Variants in PAK1 observed in about 807,000 individuals in gnomAD.
The protein encoded by PAK1 is p21 (RAC1) activated kinase 1.
In PAK1, 29 loss-of-function variants were observed where a neutral mutation model predicts 67.4. That is an observed-to-expected ratio of 0.43 (90% CI 0.32 to 0.59). The LOEUF (loss-of-function observed/expected upper bound fraction) is 0.59. Among genes scored for constraint, PAK1 ranks in the 20% least tolerant of loss-of-function variants. The pLI, the probability that PAK1 is intolerant of heterozygous loss-of-function variation, is 0.07. For missense variants in PAK1, 337 were observed against 670.7 expected (o/e 0.50, Z 5.50); for synonymous variants, 223 against 237.4 (o/e 0.94, Z 0.56).
At chr11:77,390,896 A>G (rs940437298) in intron 2 of PAK1, among the ~76,000 whole-genome samples, 4 of 152,210 alleles carry the variant, frequency 2.6e-5, no homozygotes, top group Non-Finnish European at 4.4e-5. Context: ...GTACTCATTA[A>G]AAGTCCTTAT....
intron 2 of PAK1, among the ~76,000 whole-genome samples, chr11:77,387,694 A>G (rs183992158): frequency 6.6e-6 from 1 of 152,390 alleles, no homozygotes; most frequent in East Asian, 1.9e-4. Flanking sequence ...ACAAAAGCCT[A>G]CTAATGATAT....
At chr11:77,414,456 A>G (rs983954902) in intron 1 of PAK1, among the ~76,000 whole-genome samples, 4 of 152,264 alleles carry the variant, frequency 2.6e-5, no homozygotes, top group African/African-American at 9.6e-5. Context: ...CCTAGGCAAT[A>G]TATTTTTATA....
intron 14 of PAK1, among the ~76,000 whole-genome samples, chr11:77,324,317 C>T (rs572251016): frequency 4.0e-5 from 6 of 151,874 alleles, no homozygotes; most frequent in South Asian, 4.2e-4. Context: ...GGACTACAGG[C>T]GCCCGCCACC....
the PAK1 span, among the ~76,000 whole-genome samples, chr11:77,488,129 A>T: frequency 1.4e-4 from 22 of 152,348 alleles, 1 homozygote; most frequent in South Asian, 4.6e-3. Flanking sequence ...AAGAGTCTCT[A>T]CTTGGTAATC....
At chr11:77,447,754 G>C (rs1312981550) in intron 1 of PAK1, among the ~76,000 whole-genome samples, 1 of 152,092 alleles carries the variant, frequency 6.6e-6, no homozygotes, top group Non-Finnish European at 1.5e-5. Context: ...TCAAACTCCT[G>C]ATCTCAGGTG....
chr11:77,520,032 T>C, the PAK1 span, among the ~76,000 whole-genome samples: 12 of 142,638 alleles, frequency 8.4e-5, no homozygotes, highest in African/African-American at 2.1e-4. Context: ...CTCCACCCCA[T>C]TCCCCCAGTG....
the PAK1 span, among the ~76,000 whole-genome samples, chr11:77,490,181 G>A: frequency 3.4e-5 from 5 of 145,896 alleles, no homozygotes; most frequent in South Asian, 2.2e-4. Flanking sequence ...CCTGGCAACC[G>A]CCCCATCTGA....
chr11:77,466,639 T>G (rs1335734774), intron 1 of PAK1, among the ~76,000 whole-genome samples: 1 of 152,058 alleles, frequency 6.6e-6, no homozygotes, highest in Non-Finnish European at 1.5e-5. Flanking sequence ...CAGCTTGATG[T>G]CTCTGCTCCT....
chr11:77,445,025 T>C (rs1956534036), intron 1 of PAK1, among the ~76,000 whole-genome samples: 1 of 152,192 alleles, frequency 6.6e-6, no homozygotes, highest in Non-Finnish European at 1.5e-5. Flanking sequence ...GGATTGACCT[T>C]ATTTGGAATT....
the PAK1 span, among the ~76,000 whole-genome samples, chr11:77,523,584 T>C: frequency 6.6e-6 from 1 of 152,018 alleles, no homozygotes; most frequent in Non-Finnish European, 1.5e-5. Flanking sequence ...CATGTCTGGC[T>C]AATTTTTGTA....
At chr11:77,376,799 T>C (rs1949151408) in intron 4 of PAK1, among the ~76,000 whole-genome samples, 1 of 151,664 alleles carries the variant, frequency 6.6e-6, no homozygotes, top group South Asian at 2.1e-4. Context: ...AAAATTAGCA[T>C]GGAAGATTGT....
intron 1 of PAK1, chr11:77,455,878 T>A (rs1306261477): frequency 6.6e-6 from 1 of 152,108 alleles, no homozygotes; most frequent in East Asian, 1.9e-4. Context: ...AAGAAAGACT[T>A]ACATAAAGGA....
intron 5 of PAK1, among the ~76,000 whole-genome samples, chr11:77,368,047 A>G (rs1166860991): frequency 2.0e-5 from 3 of 152,268 alleles, no homozygotes; most frequent in Non-Finnish European, 4.4e-5. Context: ...TAACAAAAGA[A>G]GCAAGGGGAA....
At chr11:77,327,102 C>A (rs187158280) in intron 14 of PAK1, among the ~76,000 whole-genome samples, 1 of 151,990 alleles carries the variant, frequency 6.6e-6, no homozygotes, top group South Asian at 2.1e-4. Context: ...TAAAAAGAAA[C>A]GAACAAAGCC....
chr11:77,373,691 TA>T (rs1948733237), intron 5 of PAK1, among the ~76,000 whole-genome samples: 1 of 152,082 alleles, frequency 6.6e-6, no homozygotes, highest in Non-Finnish European at 1.5e-5. Flanking sequence ...ATTTGTAAGT[TA>T]AGAGAGACAG....
At chr11:77,435,984 G>GT (rs1419117379) in intron 1 of PAK1, among the ~76,000 whole-genome samples, 1 of 152,212 alleles carries the variant, frequency 6.6e-6, no homozygotes, top group East Asian at 1.9e-4. Flanking sequence ...AGGCGCTAGA[G>GT]TATGTGTACA....
intron 1 of PAK1, among the ~76,000 whole-genome samples, chr11:77,471,901 C>A (rs1034176627): frequency 6.6e-6 from 1 of 152,132 alleles, no homozygotes; most frequent in Admixed American, 6.5e-5. Flanking sequence ...ATGGATGAGG[C>A]AGGTCACCTT....
At chr11:77,525,506 TGA>T in the PAK1 span, among the ~76,000 whole-genome samples, 1 of 152,274 alleles carries the variant, frequency 6.6e-6, no homozygotes, top group African/African-American at 2.4e-5. Context: ...GAGCAACTCA[TGA>T]TTTCCCACAT....
the PAK1 span, among the ~76,000 whole-genome samples, chr11:77,494,735 T>C: frequency 1.3e-5 from 2 of 151,980 alleles, no homozygotes; most frequent in Non-Finnish European, 2.9e-5. Context: ...GATTTAAAAA[T>C]AGGGCCAGGC....
Sources: allele counts gnomAD v4.1 joint callset (sites outside exome capture counted in the v4.1 genomes callset), GRCh38; gene constraint gnomAD v4.1.1; transcripts MANE v1.5; gene names NCBI Gene and HGNC (gene_info 2026-07-23, HGNC 2026-07-21).